NFS1: variants seen among roughly 807,000 people sequenced by gnomAD.
NFS1 encodes the protein NFS1 cysteine desulfurase.
A neutral mutation model predicts 57.3 loss-of-function variants in NFS1; 26 were observed. The observed-to-expected ratio is 0.45, with a 90% confidence interval of 0.33 to 0.63. The LOEUF (loss-of-function observed/expected upper bound fraction) is 0.63, where lower values mean the gene tolerates loss of function less well. NFS1 is among the 20% of genes least tolerant of loss of function. The probability of loss-of-function intolerance (pLI) is 0.02; values close to 1 mark genes in which losing one functional copy is unlikely to be tolerated. For synonymous variants in NFS1, 209 were observed against 216.3 expected (o/e 0.97, Z 0.30); for missense variants, 505 against 605.8 (o/e 0.83, Z 1.75).
chr20:35,680,655 A>G (rs2034832185), intron 7 of NFS1, 82 bp downstream of exon 7: 1 of 1,217,972 alleles, frequency 8.2e-7, no homozygotes, highest in Non-Finnish European at 1.1e-6. Context: ...GAGCAACAGT[A>G]GTCCCAAATG....
At chr20:35,689,187 G>C (rs1474241419) in intron 5 of NFS1, among the ~76,000 whole-genome samples, 1 of 152,148 alleles carries the variant, frequency 6.6e-6, no homozygotes, top group Non-Finnish European at 1.5e-5. Flanking sequence ...ACCAACAAAT[G>C]CAAGAAACAT....
chr20:35,695,007 T>G (rs2035108431), intron 4 of NFS1: 1 of 152,240 alleles, frequency 6.6e-6, no homozygotes, highest in East Asian at 1.9e-4. Flanking sequence ...TTTATCTCAG[T>G]TACCCATGAT....
At chr20:35,681,749 T>C in intron 6 of NFS1, 139 bp downstream of exon 6, 1 of 521,124 alleles carries the variant, frequency 1.9e-6, no homozygotes, top group South Asian at 2.6e-5. Flanking sequence ...CCTATGACAC[T>C]TCCAATGTCC....
chr20:35,699,150 G>GGGACAGGTCCGCGCCTCCCGGAGA lies in NFS1; in HGVS notation c.97+18_97+41dup. ...TATTCAGTTGCGTCGCCGCGCGGAGGGGACAGGTCCGCGCCTCCCGGAGAG... is the reference window on the plus strand; with the variant it reads ...TATTCAGTTGCGTCGCCGCGCGGAGGGGACAGGTCCGCGCCTCCCGGAGAGGACAGGTCCGCGCCTCCCGGAGAG... On this transcript the variant is annotated intron_variant, in intron 1 of 12. Transcript: ENST00000374092. The surrounding 1 kb of genome is among the most constrained non-coding windows in gnomAD (Gnocchi z 4.4). 7.3e-7 allele frequency: 1 copy of GGGACAGGTCCGCGCCTCCCGGAGA among 1,376,520 alleles called. No individual in the cohort carries two copies. The highest frequency in any genetic ancestry group is 1.5e-5 in the African/African-American group (1 of 65,206). The allele number at this position is 1,376,520 out of a possible 1,614,324, so 85.3% of individuals were successfully genotyped here. A position where few individuals can be genotyped will look rare whatever the true frequency, so the allele number is the denominator to read the frequency against.
At chr20:35,689,117 G>C (rs1294763720) in intron 5 of NFS1, among the ~76,000 whole-genome samples, 1 of 152,210 alleles carries the variant, frequency 6.6e-6, no homozygotes, top group Non-Finnish European at 1.5e-5. Flanking sequence ...TTGCCATGGT[G>C]AATGTGAGTC....
chr20:35,672,909 C>T (rs1037582042), intron 11 of NFS1, 65 bp from the exon 12 acceptor site: 8 of 884,644 alleles, frequency 9.0e-6, no homozygotes, highest in Admixed American at 2.2e-5. Flanking sequence ...ATTCATTCCG[C>T]AAATACTCAC....
At chr20:35,683,075 C>T (rs991279206) in intron 5 of NFS1, among the ~76,000 whole-genome samples, 1 of 151,184 alleles carries the variant, frequency 6.6e-6, no homozygotes, top group African/African-American at 2.4e-5. Flanking sequence ...AAGATTCCAT[C>T]TCAAAAAACA....
intron 10 of NFS1, chr20:35,674,132 A>G (rs556154574): frequency 1.8e-6 from 1 of 557,242 alleles, no homozygotes; most frequent in Admixed American, 3.1e-5. Context: ...GGACGATAAA[A>G]GGCACAAAAT....
chr20:35,671,124 G>A (rs999249029), intron 12 of NFS1, among the ~76,000 whole-genome samples: 1 of 152,192 alleles, frequency 6.6e-6, no homozygotes, highest in African/African-American at 2.4e-5. Context: ...GATTGATTGA[G>A]ACAGAGTCTT....
At chr20:35,676,774 A>AAAAAAAAAAAAC (rs2034755874) in intron 7 of NFS1, among the ~76,000 whole-genome samples, 1 of 148,818 alleles carries the variant, frequency 6.7e-6, no homozygotes, top group Non-Finnish European at 1.5e-5. Context: ...AAAAAAAAAA[A>AAAAAAAAAAAAC]AAAAAAAAAA....
chr20:35,696,665 T>G (rs1318657357), intron 3 of NFS1, among the ~76,000 whole-genome samples: 1 of 142,834 alleles, frequency 7.0e-6, no homozygotes, highest in East Asian at 2.0e-4. Context: ...AAATAATAAC[T>G]TTTTTTTTTT....
intron 5 of NFS1, among the ~76,000 whole-genome samples, chr20:35,689,254 G>A (rs1262697523): frequency 2.6e-5 from 4 of 152,198 alleles, no homozygotes; most frequent in South Asian, 2.1e-4. Flanking sequence ...CTGGGAGTCC[G>A]AGATGGGTGG....
intron 5 of NFS1, among the ~76,000 whole-genome samples, chr20:35,686,831 GAT>G (rs1266816769): frequency 2.0e-5 from 3 of 152,040 alleles, no homozygotes; most frequent in African/African-American, 4.8e-5. Flanking sequence ...ATAGATCTTA[GAT>G]ATGATTATAT....
intron 6 of NFS1, among the ~76,000 whole-genome samples, 184 bp from the exon 7 acceptor site, chr20:35,681,055 C>T (rs1361128950): frequency 1.3e-5 from 2 of 151,644 alleles, no homozygotes; most frequent in Non-Finnish European, 2.9e-5. Context: ...CTTCCTCCCT[C>T]TCTGTGTCTC....
intron 4 of NFS1, among the ~76,000 whole-genome samples, chr20:35,692,827 C>T (rs891124418): frequency 2.6e-5 from 4 of 151,984 alleles, no homozygotes; most frequent in Admixed American, 6.6e-5. Flanking sequence ...CATGGCGAAA[C>T]CCCGTCTCTA....
chr20:35,684,521 T>C (rs1257274473), intron 5 of NFS1, among the ~76,000 whole-genome samples: 1 of 151,484 alleles, frequency 6.6e-6, no homozygotes. Context: ...AAGGCTGAAA[T>C]AGGTGGATCA....
chr20:35,683,025 C>G (rs570110976), intron 5 of NFS1, among the ~76,000 whole-genome samples: 1 of 151,570 alleles, frequency 6.6e-6, no homozygotes, highest in African/African-American at 2.4e-5. Context: ...TTGCAGTGAG[C>G]GGAGATCACA....
At chr20:35,691,829 T>C (rs1372247388) in intron 4 of NFS1, among the ~76,000 whole-genome samples, 2 of 141,866 alleles carry the variant, frequency 1.4e-5, no homozygotes, top group African/African-American at 5.3e-5. Flanking sequence ...GGCAGGTGGA[T>C]CACGAGGTCA....
intron 5 of NFS1, among the ~76,000 whole-genome samples, chr20:35,685,826 C>G (rs1601528593): frequency 1.4e-5 from 2 of 145,124 alleles, no homozygotes; most frequent in African/African-American, 5.1e-5. Flanking sequence ...CCACTGCACT[C>G]CAGCCTGGGC....
Sources: allele counts gnomAD v4.1 joint callset (sites outside exome capture counted in the v4.1 genomes callset), GRCh38; gene constraint gnomAD v4.1.1; non-coding constraint Gnocchi (gnomAD v3.1); transcripts MANE v1.5; gene names NCBI Gene and HGNC (gene_info 2026-07-23, HGNC 2026-07-21).